Variants in EGFLAM observed in about 807,000 individuals in gnomAD.
EGFLAM encodes the protein EGF like, fibronectin type III and laminin G domains.
Under a neutral mutation model 113.1 loss-of-function variants are expected in EGFLAM, and 79 were observed. The ratio of observed to expected loss-of-function variants is 0.70; its 90% CI spans 0.58 to 0.84. The LOEUF (loss-of-function observed/expected upper bound fraction) is 0.84, where lower values mean the gene tolerates loss of function less well. EGFLAM is among the 40% of genes least tolerant of loss of function. The probability of loss-of-function intolerance (pLI) is 0.00; values close to 1 mark genes in which losing one functional copy is unlikely to be tolerated. For missense variants in EGFLAM, 1,265 were observed against 1,291.6 expected, an observed-to-expected ratio of 0.98 and a Z score of 0.32; for synonymous variants, 504 against 487.6, an observed-to-expected ratio of 1.03 and a Z score of -0.44.
intron 3 of EGFLAM, among the ~76,000 whole-genome samples, chr5:38,342,722 T>G (rs1739366885): frequency 6.6e-6 from 1 of 152,190 alleles, no homozygotes; most frequent in Admixed American, 6.5e-5. Flanking sequence ...AAAGAATGTT[T>G]AGGGTGGTGG....
At chr5:38,413,128 C>A (rs1448013950) in intron 11 of EGFLAM, among the ~76,000 whole-genome samples, 2 of 152,000 alleles carry the variant, frequency 1.3e-5, no homozygotes, top group East Asian at 3.9e-4. Flanking sequence ...TTCAAACCAT[C>A]CCGCCTCAGG....
chr5:38,436,705 C>A (rs1372137600), intron 16 of EGFLAM, among the ~76,000 whole-genome samples: 1 of 152,210 alleles, frequency 6.6e-6, no homozygotes, highest in Non-Finnish European at 1.5e-5. Flanking sequence ...CTAGAAAGAC[C>A]ACCCTCTCTT....
At chr5:38,264,379 T>C (rs114442238) in intron 1 of EGFLAM, among the ~76,000 whole-genome samples, 2 of 152,194 alleles carry the variant, frequency 1.3e-5, no homozygotes, top group African/African-American at 4.8e-5. Flanking sequence ...TCTAGTGGTA[T>C]AATCAAACTA....
At chr5:38,450,388 G>A (rs1380812225) in intron 18 of EGFLAM, among the ~76,000 whole-genome samples, 1 of 152,180 alleles carries the variant, frequency 6.6e-6, no homozygotes, top group Non-Finnish European at 1.5e-5. Context: ...CAGGCTCTGG[G>A]AAGCCTAGAT....
In EGFLAM at chr5:38,464,264, A is replaced by G. The variant is rs998373173; in HGVS notation, c.*278A>G. ...TAGCGGCTGCCAGAGATCACACATC[A>G]ATGCAAATTCCAGAGCCTGTCTGCT... On this transcript the variant is annotated 3_prime_UTR_variant, in exon 22 of 22. Coordinates refer to ENST00000322350, the MANE Select transcript of EGFLAM (RefSeq NM_152403.4). The G allele has an allele frequency of 4.3e-5, 18 of 416,122 alleles. No individual in the cohort carries two copies. Among genetic ancestry groups the G allele is most frequent in the Non-Finnish European group, 7.8e-5 (18 of 230,328 alleles). 25.8% of individuals were successfully genotyped at this position (416,122 alleles called of 1,614,324 possible).
intron 11 of EGFLAM, among the ~76,000 whole-genome samples, chr5:38,415,556 C>T (rs111689639): frequency 0.02 from 3,004 of 151,918 alleles, 42 homozygotes; most frequent in Non-Finnish European, 0.027. Context: ...TGCCTGTAGT[C>T]CCAGCTACTT....
At chr5:38,342,165 C>T (rs1028984895) in intron 3 of EGFLAM, among the ~76,000 whole-genome samples, 9 of 152,136 alleles carry the variant, frequency 5.9e-5, no homozygotes, top group East Asian at 3.8e-4. Context: ...AATTTTTAAT[C>T]GTTTAGAGGA....
chr5:38,258,787 C>G lies in EGFLAM; in HGVS notation c.33C>G (p.Leu11=). The change falls in exon 1 of 22, where the codon CTC becomes CTG. Residue 11 remains leucine, a synonymous_variant. Coordinates refer to ENST00000322350, the MANE Select transcript of EGFLAM (RefSeq NM_152403.4). MDLIRGVLLR[L]LLLASSLGPG... ...TAATCCGAGGCGTCTTGCTCCGGCT[C>G]CTGCTCCTGGCTTCCAGCCTCGGAC... is the stretch of plus-strand genomic sequence containing the variant. The G allele has an allele frequency of 6.2e-7, 1 of 1,612,430 alleles. No homozygotes were observed. Among genetic ancestry groups the G allele is most frequent in the South Asian group, 1.1e-5 (1 of 90,970 alleles).
intron 1 of EGFLAM, among the ~76,000 whole-genome samples, chr5:38,261,184 C>A (rs1426340239): frequency 6.6e-6 from 1 of 152,190 alleles, no homozygotes; most frequent in Non-Finnish European, 1.5e-5. Context: ...AACTGAGTAG[C>A]AGCTTCAAGT....
intron 6 of EGFLAM, among the ~76,000 whole-genome samples, chr5:38,372,656 G>C (rs887641979): frequency 6.6e-6 from 1 of 152,146 alleles, no homozygotes; most frequent in Non-Finnish European, 1.5e-5. Flanking sequence ...TGTGGGTAGG[G>C]AAGGTGGACA....
chr5:38,294,765 A>T (rs1043517977), intron 1 of EGFLAM, among the ~76,000 whole-genome samples: 12 of 152,234 alleles, frequency 7.9e-5, no homozygotes, highest in African/African-American at 2.9e-4. Context: ...TTTGAATCCA[A>T]ATGATATTAA....
At chr5:38,260,281 A>G (rs976911549) in intron 1 of EGFLAM, among the ~76,000 whole-genome samples, 15 of 152,372 alleles carry the variant, frequency 9.8e-5, no homozygotes, top group Middle Eastern at 3.4e-3. Flanking sequence ...GAAATCATCT[A>G]TTAATTGTCA....
chr5:38,306,464 C>T (rs1758718988), intron 1 of EGFLAM, among the ~76,000 whole-genome samples: 1 of 152,168 alleles, frequency 6.6e-6, no homozygotes, highest in Admixed American at 6.5e-5. Flanking sequence ...GCTACCGTTC[C>T]TCCCCCATGA....
At chr5:38,345,710 A>G (rs192111722) in intron 3 of EGFLAM, 1 of 152,204 alleles carries the variant, frequency 6.6e-6, no homozygotes, top group Non-Finnish European at 1.5e-5. Flanking sequence ...AGAGATAAAC[A>G]TCTTGACTTG....
chr5:38,430,286 T>C (rs1302421129), intron 14 of EGFLAM: 2 of 152,246 alleles, frequency 1.3e-5, no homozygotes, highest in Non-Finnish European at 2.9e-5. Context: ...TTACAATTTT[T>C]CTCTTCTTCC....
chr5:38,457,235 T>TA (rs1164642852), intron 19 of EGFLAM, among the ~76,000 whole-genome samples: 1 of 151,972 alleles, frequency 6.6e-6, no homozygotes, highest in African/African-American at 2.4e-5. Context: ...CATTTTTTTT[T>TA]AAAAAGTGAA....
rs531619224 is a variant in EGFLAM at position 38,349,803 on chromosome 5, A to T, written c.292-698A>T. On this transcript the variant is annotated intron_variant, in intron 3 of 21. Transcript: ENST00000322350. ...CACACACACACACACACACACACAC[A>T]CACACACTTTTAAGAAAGTCTTCCT... is the stretch of plus-strand genomic sequence containing the variant. 3.3e-5 allele frequency among the ~76,000 whole-genome samples: 5 copies of T among 149,942 alleles called. No individual in the cohort carries two copies. In the South Asian group the frequency reaches 1.1e-3, roughly 32 times the overall value.
At chr5:38,281,062 G>T (rs540538080) in intron 1 of EGFLAM, among the ~76,000 whole-genome samples, 15 of 152,252 alleles carry the variant, frequency 9.9e-5, no homozygotes, top group Admixed American at 9.8e-4. Flanking sequence ...GTGGTGTTGA[G>T]AAATGATTGC....
At chr5:38,395,239 CTTTTTT>C (rs1221649921) in intron 6 of EGFLAM, among the ~76,000 whole-genome samples, 1 of 114,700 alleles carries the variant, frequency 8.7e-6, no homozygotes, top group Non-Finnish European at 1.7e-5. Context: ...CATGCCTAGC[CTTTTTT>C]TTTTTTTTTT....
Sources: allele counts gnomAD v4.1 joint callset (sites outside exome capture counted in the v4.1 genomes callset), GRCh38; gene constraint gnomAD v4.1.1; transcripts MANE v1.5; gene names NCBI Gene and HGNC (gene_info 2026-07-23, HGNC 2026-07-21).